The following DLGAP2 variants were observed in gnomAD, a reference collection of about 807,000 sequenced individuals.
DLGAP2 encodes DLG associated protein 2, also known as disks large-associated protein 2.
Under a neutral mutation model 100.3 loss-of-function variants are expected in DLGAP2, and 26 were observed. The ratio of observed to expected loss-of-function variants is 0.26; its 90% CI spans 0.19 to 0.36. DLGAP2 has a LOEUF of 0.36. Ranked by LOEUF, DLGAP2 falls within the 10% of genes least tolerant of loss-of-function variation. The pLI is 1.00. For missense variants in DLGAP2, 1,858 were observed against 1,453.2 expected, an observed-to-expected ratio of 1.28 and a Z score of -4.53; for synonymous variants, 886 against 630.1, an observed-to-expected ratio of 1.41 and a Z score of -6.08.
chr8:1,703,377 TA>T lies in DLGAP2; in HGVS notation c.*1974del, dbSNP rs1187865020. 1 of 152,638 alleles carries T rather than the reference TA, an allele frequency of 6.6e-6. No homozygotes were observed. Among genetic ancestry groups the T allele is most frequent in the Non-Finnish European group, 1.5e-5 (1 of 68,036 alleles). The allele number at this position is 152,638 out of a possible 1,614,324, so 9.5% of individuals were successfully genotyped here. A position where few individuals can be genotyped will look rare whatever the true frequency, so the allele number is the denominator to read the frequency against. ...AGAGTGTTCAAGGCATTTTTCTACC[TA>T]AATGAATACCTAAATCTTGAGTAGT... is the stretch of plus-strand genomic sequence containing the variant. On this transcript the variant is annotated 3_prime_UTR_variant, in exon 15 of 15. Coordinates refer to ENST00000637795, the MANE Select transcript of DLGAP2 (RefSeq NM_001346810.2).
intron 2 of DLGAP2, among the ~76,000 whole-genome samples, chr8:1,256,600 T>A (rs1214017929): frequency 6.9e-6 from 1 of 144,910 alleles, no homozygotes; most frequent in Non-Finnish European, 1.5e-5. Flanking sequence ...CCTGCCCGGG[T>A]GCTGTGTGTG....
chr8:1,682,013 G>A (rs1016432449), intron 12 of DLGAP2, among the ~76,000 whole-genome samples: 3 of 152,164 alleles, frequency 2.0e-5, no homozygotes, highest in African/African-American at 4.8e-5. Flanking sequence ...TTCCACCCAC[G>A]GTCCAAAGGC....
intron 1 of DLGAP2, among the ~76,000 whole-genome samples, chr8:795,135 A>G (rs1795997362): frequency 6.6e-6 from 1 of 152,200 alleles, no homozygotes; most frequent in Non-Finnish European, 1.5e-5. Flanking sequence ...TTCGTTATTA[A>G]CAGCAGTTAC....
At position 1,688,977 on chromosome 8, in the gene DLGAP2, G is replaced by T. The variant is rs114483437; in HGVS notation, c.2705-2558G>T. On this transcript the variant is annotated intron_variant, in intron 12 of 14. Transcript: ENST00000637795. ...AATGCGGTTCTTTTTCCCGAAAGTC[G>T]GGCTAAGGAGGAGACACTGCAGCAC... Among the ~76,000 whole-genome samples, 598 of 152,248 alleles carry T rather than the reference G, an allele frequency of 3.9e-3. 6 individuals carry two copies. The highest frequency in any genetic ancestry group is 0.013 in the African/African-American group (560 of 41,534).
At chr8:1,259,136 TTCTGGA>T (rs1210808619) in intron 3 of DLGAP2, among the ~76,000 whole-genome samples, 1 of 152,246 alleles carries the variant, frequency 6.6e-6, no homozygotes, top group Non-Finnish European at 1.5e-5. Context: ...TTTTTGTTTG[TTCTGGA>T]TTGACAAATT....
intron 6 of DLGAP2, among the ~76,000 whole-genome samples, chr8:1,601,945 G>GATGTGTGT (rs1554506576): frequency 0.13 from 18,307 of 146,368 alleles, 1,312 homozygotes; most frequent in East Asian, 0.33. Context: ...AATTTAACAG[G>GATGTGTGT]GTGTGTGTGT....
intron 2 of DLGAP2, among the ~76,000 whole-genome samples, chr8:1,043,923 A>T (rs1473052339): frequency 1.3e-5 from 2 of 150,830 alleles, no homozygotes; most frequent in Admixed American, 6.6e-5. Context: ...GGGCAGTGAG[A>T]TCTCAGCTGG....
intron 5 of DLGAP2, among the ~76,000 whole-genome samples, chr8:1,562,719 G>A (rs375781105): frequency 8.5e-4 from 20 of 23,574 alleles, no homozygotes; most frequent in South Asian, 4.0e-3. Flanking sequence ...TGGGGTGTCC[G>A]CGCCTCGTTA....
intron 8 of DLGAP2, among the ~76,000 whole-genome samples, chr8:1,639,458 C>A (rs545122642): frequency 1.3e-5 from 2 of 152,232 alleles, no homozygotes; most frequent in East Asian, 3.9e-4. Context: ...AGCAGGGGTC[C>A]TGTGCCACCC....
intron 2 of DLGAP2, among the ~76,000 whole-genome samples, chr8:1,234,812 A>G (rs1798608661): frequency 6.6e-6 from 1 of 152,130 alleles, no homozygotes; most frequent in South Asian, 2.1e-4. Context: ...CCCTCAAGTG[A>G]GTGAGTTCAC....
intron 3 of DLGAP2, among the ~76,000 whole-genome samples, chr8:1,319,818 T>C (rs961334035): frequency 6.6e-6 from 1 of 152,174 alleles, no homozygotes; most frequent in African/African-American, 2.4e-5. Context: ...GTAGATCACA[T>C]GCCAGACAAT....
At chr8:840,585 C>T (rs1302874356) in intron 1 of DLGAP2, among the ~76,000 whole-genome samples, 6 of 86,318 alleles carry the variant, frequency 7.0e-5, no homozygotes, top group Admixed American at 2.3e-4. Context: ...CACGCCTGCA[C>T]GTCTCCCCAC....
At chr8:1,252,510 C>T (rs891671970) in intron 2 of DLGAP2, among the ~76,000 whole-genome samples, 3 of 152,188 alleles carry the variant, frequency 2.0e-5, no homozygotes, top group Non-Finnish European at 4.4e-5. Context: ...ACGTCATCAC[C>T]ATGTTACACG....
chr8:882,550 C>T (rs1797829368), intron 1 of DLGAP2, among the ~76,000 whole-genome samples: 1 of 41,922 alleles, frequency 2.4e-5, no homozygotes, highest in South Asian at 1.2e-3. Context: ...AGCGGTACCT[C>T]TCCCTGCGGA....
intron 3 of DLGAP2, among the ~76,000 whole-genome samples, chr8:1,441,781 A>G (rs1436796095): frequency 6.9e-6 from 1 of 144,678 alleles, no homozygotes; most frequent in Non-Finnish European, 1.5e-5. Context: ...CAACAGCTTG[A>G]CCAGTTTTTT....
At chr8:743,202 A>G (rs1369698829) in intron 1 of DLGAP2, among the ~76,000 whole-genome samples, 1 of 152,250 alleles carries the variant, frequency 6.6e-6, no homozygotes, top group African/African-American at 2.4e-5. Context: ...CGGAAGAAAC[A>G]CATGTGATAA....
intron 3 of DLGAP2, among the ~76,000 whole-genome samples, chr8:1,321,715 G>A (rs142384434): frequency 6.6e-5 from 10 of 152,130 alleles, no homozygotes; most frequent in East Asian, 1.9e-4. Context: ...TCTAGAACTC[G>A]GCTTCCCCAT....
intron 3 of DLGAP2, among the ~76,000 whole-genome samples, chr8:1,273,110 A>C (rs980310779): frequency 6.6e-6 from 1 of 152,164 alleles, no homozygotes; most frequent in African/African-American, 2.4e-5. Context: ...TTATGATAAA[A>C]ATGAGTAAAT....
Position 1,633,846 on chromosome 8 carries a change from C to T in DLGAP2, c.1810+800C>T, listed in dbSNP as rs151089631. Among the ~76,000 whole-genome samples, 448 of 152,138 alleles carry T rather than the reference C, an allele frequency of 2.9e-3. 4 individuals are homozygous for T. The highest frequency in any genetic ancestry group is 1.0e-2 in the African/African-American group (414 of 41,484). On this transcript the variant is annotated intron_variant, in intron 8 of 14. Transcript: ENST00000637795. The stretch of plus-strand genomic sequence containing the variant: ...ATCTTAGAAATTTAAAGGACAGCTC[C>T]GAGGGGAAATAGAACAAAGCTATGT...
Sources: gnomAD v4.1 joint callset for allele counts (sites outside exome capture counted in the v4.1 genomes callset) on GRCh38, gnomAD v4.1.1 for gene constraint, MANE v1.5 for transcripts, NCBI Gene and HGNC (gene_info 2026-07-23, HGNC 2026-07-21) for gene names.